ZRANB3: variants seen among roughly 807,000 people sequenced by gnomAD.
ZRANB3 encodes the protein DNA annealing helicase and endonuclease ZRANB3.
ZRANB3 carries 125 observed loss-of-function variants against 133.8 expected under a neutral mutation model. The ratio of observed to expected loss-of-function variants is 0.93; its 90% CI spans 0.81 to 1.08. The LOEUF is 1.08. ZRANB3 is among the 50% of genes least tolerant of loss of function. ZRANB3 has a pLI of 0.00. For missense variants in ZRANB3, 1,229 were observed against 1,275.5 expected (o/e 0.96, Z 0.56); for synonymous variants, 387 against 432.7 (o/e 0.89, Z 1.31).
intron 2 of ZRANB3, among the ~76,000 whole-genome samples, chr2:135,413,634 T>C (rs1688413309): frequency 6.6e-6 from 1 of 152,142 alleles, no homozygotes; most frequent in African/African-American, 2.4e-5. Context: ...CTAGGGTATT[T>C]ATAATTATAT....
At chr2:135,321,583 C>T (rs978046220) in intron 6 of ZRANB3, among the ~76,000 whole-genome samples, 7 of 151,642 alleles carry the variant, frequency 4.6e-5, no homozygotes, top group African/African-American at 1.7e-4. Context: ...AAGCGATTCT[C>T]CTGCCTCAGC....
At chr2:135,350,430 A>C (rs1685152928) in intron 4 of ZRANB3, among the ~76,000 whole-genome samples, 2 of 152,210 alleles carry the variant, frequency 1.3e-5, no homozygotes, top group South Asian at 2.1e-4. Context: ...CCAAAACCAA[A>C]ATTTTAGTTA....
chr2:135,439,544 C>T lies in ZRANB3; in HGVS notation c.162-48724G>A, dbSNP rs1477717617. 2.0e-5 allele frequency among the ~76,000 whole-genome samples: 3 copies of T among 152,156 alleles called. 1 individual carries two copies. Among genetic ancestry groups the T allele is most frequent in the Non-Finnish European group, 2.9e-5 (2 of 68,018 alleles). On this transcript the variant is annotated intron_variant, in intron 2 of 20. Transcript: ENST00000264159. Reference sequence around the variant, plus strand: ...CCACTTCCAGCACCCTTCTACCTCACCTCCCCCTTCATTTTCACAATGATA... The same window carrying T: ...CCACTTCCAGCACCCTTCTACCTCATCTCCCCCTTCATTTTCACAATGATA...
In ZRANB3 at chr2:135,315,149, G is replaced by T. The variant is rs148045841; in HGVS notation, c.849+210C>A. ...AAATACTTTTTTTTTAAACCACTAG[G>T]TTACCATATCTTTTTATGCATCTGA... On this transcript the variant is annotated intron_variant, in intron 7 of 20. Coordinates refer to ENST00000264159, the MANE Select transcript of ZRANB3 (RefSeq NM_032143.4). Among the ~76,000 whole-genome samples, 16 of 151,992 alleles carry T rather than the reference G, an allele frequency of 1.1e-4. No individual in the cohort carries two copies. The East Asian group carries it at 2.9e-3, about 28-fold the overall frequency.
intron 8 of ZRANB3, among the ~76,000 whole-genome samples, chr2:135,311,951 A>G (rs1682996558): frequency 6.6e-6 from 1 of 152,136 alleles, no homozygotes; most frequent in Non-Finnish European, 1.5e-5. Context: ...AGTGACAGAA[A>G]GCATATCTGT....
rs1213737773 is a variant in ZRANB3, at chr2:135,392,884, G to GT, written c.162-2065_162-2064insA. Among the ~76,000 whole-genome samples the GT allele has an allele frequency of 7.5e-5, 11 of 147,560 alleles. No homozygotes were observed. The South Asian group carries it at 1.4e-3, about 19-fold the overall frequency. ...AGCTTACCCAATAAATATGTTTTTT[G>GT]GTTTTTTTTTTTCTGAGACAGTCTC... On this transcript the variant is annotated intron_variant, in intron 2 of 20. Transcript: ENST00000264159.
intron 2 of ZRANB3, among the ~76,000 whole-genome samples, chr2:135,391,823 C>T (rs1687246622): frequency 6.6e-6 from 1 of 152,158 alleles, no homozygotes; most frequent in Non-Finnish European, 1.5e-5. Context: ...TCGTGATCCA[C>T]CCACCTCGGC....
chr2:135,476,708 T>C (rs1486074787), intron 2 of ZRANB3, among the ~76,000 whole-genome samples: 3 of 149,958 alleles, frequency 2.0e-5, no homozygotes, highest in South Asian at 4.2e-4. Context: ...TTTTTTTTTT[T>C]CTTTTCTTTT....
chr2:135,230,938 C>T lies in ZRANB3; in HGVS notation c.1540-11G>A. On this transcript the variant is annotated splice_polypyrimidine_tract_variant and intron_variant, in intron 12 of 20. Coordinates refer to ENST00000264159, the MANE Select transcript of ZRANB3 (RefSeq NM_032143.4). ...TTTTTCTTTTTCGAACTAGGAAAAG[C>T]AAACAGTAGTTATCAAAGTAAGAAG... 4 of 1,531,344 alleles carry T rather than the reference C, an allele frequency of 2.6e-6. No individual in the cohort carries two copies. The highest frequency in any genetic ancestry group is 3.5e-6 in the Non-Finnish European group (4 of 1,143,068). 94.9% of individuals were successfully genotyped at this position (1,531,344 alleles called of 1,614,324 possible).
At chr2:135,479,007 G>A (rs940941781) in intron 2 of ZRANB3, among the ~76,000 whole-genome samples, 3 of 149,770 alleles carry the variant, frequency 2.0e-5, no homozygotes, top group African/African-American at 5.1e-5. Context: ...ACACACATAC[G>A]TAGACACTGC....
chr2:135,382,633 G>A (rs1025506003), intron 3 of ZRANB3, among the ~76,000 whole-genome samples: 12 of 152,184 alleles, frequency 7.9e-5, no homozygotes, highest in African/African-American at 2.7e-4. Context: ...CAGACTAACG[G>A]CGGATCTCTC....
intron 12 of ZRANB3, among the ~76,000 whole-genome samples, chr2:135,236,604 G>A (rs954743625): frequency 2.0e-4 from 31 of 152,148 alleles, no homozygotes; most frequent in Admixed American, 2.6e-4. Context: ...TAGACCAATG[G>A]GACAGAACAG....
chr2:135,478,385 C>T lies in ZRANB3; in HGVS notation c.161+25944G>A, dbSNP rs549922922. Among the ~76,000 whole-genome samples the T allele has an allele frequency of 8.1e-4, 123 of 151,064 alleles. 1 individual carries two copies. Among genetic ancestry groups the T allele is most frequent in the African/African-American group, 2.6e-3 (109 of 41,448 alleles). ...TTAAAGAAACAGAATATTATCAGCA[C>T]CCCCCCGAAGCCTCTCTTGTGGCCC... is the stretch of plus-strand genomic sequence containing the variant. On this transcript the variant is annotated intron_variant, in intron 2 of 20. Transcript: ENST00000264159.
At chr2:135,449,927 T>G (rs1306298425) in intron 2 of ZRANB3, among the ~76,000 whole-genome samples, 1 of 152,132 alleles carries the variant, frequency 6.6e-6, no homozygotes, top group Non-Finnish European at 1.5e-5. Flanking sequence ...ATGACTAATT[T>G]TTGTATATTT....
chr2:135,265,537 A>G lies in ZRANB3; in HGVS notation c.1536T>C (p.Thr512=). The change falls in exon 12 of 21, where the codon ACT becomes ACC. Residue 512 remains threonine (T), a synonymous_variant. Coordinates refer to ENST00000264159, the MANE Select transcript of ZRANB3 (RefSeq NM_032143.4). ...SEELRKEALF[T]HFEKEKQHDI... is the part of the protein sequence containing the mutation. ...AGAGTAAGGCATATAATCTTACGTGAGTGAACAAAGCTTCCTTCCTTAACT... is the reference window on the plus strand; with the variant it reads ...AGAGTAAGGCATATAATCTTACGTGGGTGAACAAAGCTTCCTTCCTTAACT... 6.2e-7 allele frequency: 1 copy of G among 1,612,054 alleles called. No homozygotes were observed. Among genetic ancestry groups the G allele is most frequent in the Non-Finnish European group, 8.5e-7 (1 of 1,179,158 alleles).
chr2:135,267,325 G>C (rs564608489), intron 11 of ZRANB3, among the ~76,000 whole-genome samples: 1 of 152,188 alleles, frequency 6.6e-6, no homozygotes, highest in African/African-American at 2.4e-5. Flanking sequence ...AGTGGTGCTA[G>C]CTTAGGTCTC....
chr2:135,464,273 T>C (rs1188304713), intron 2 of ZRANB3, among the ~76,000 whole-genome samples: 1 of 152,180 alleles, frequency 6.6e-6, no homozygotes, highest in Non-Finnish European at 1.5e-5. Flanking sequence ...AGTTCCTACC[T>C]CCTTTTGTTC....
intron 2 of ZRANB3, among the ~76,000 whole-genome samples, chr2:135,493,145 AT>A (rs1310957576): frequency 1.3e-5 from 1 of 75,536 alleles, no homozygotes; most frequent in African/African-American, 4.9e-5. Flanking sequence ...ATATATATAT[AT>A]ATATATATAT....
rs559560494 is a variant in ZRANB3, at chr2:135,430,715, G to A, written c.162-39895C>T. Among the ~76,000 whole-genome samples, 4 of 152,178 alleles carry A rather than the reference G, an allele frequency of 2.6e-5. No homozygotes were observed. In the East Asian group the frequency reaches 7.7e-4, roughly 29 times the overall value. On this transcript the variant is annotated intron_variant, in intron 2 of 20. Transcript: ENST00000264159. ...ACAACATGGTATTTTTATAAGAATAGATATATAGATTAATCAAACAGGATA... is the reference window on the plus strand; with the variant it reads ...ACAACATGGTATTTTTATAAGAATAAATATATAGATTAATCAAACAGGATA...
Sources: allele counts gnomAD v4.1 joint callset (sites outside exome capture counted in the v4.1 genomes callset), GRCh38; gene constraint gnomAD v4.1.1; transcripts MANE v1.5; gene names NCBI Gene and HGNC (gene_info 2026-07-23, HGNC 2026-07-21).